LRMDA: variants seen among roughly 807,000 people sequenced by gnomAD.
LRMDA encodes leucine-rich melanocyte differentiation-associated protein.
LRMDA carries 18 observed loss-of-function variants against 29.8 expected under a neutral mutation model. The ratio of observed to expected loss-of-function variants is 0.60; its 90% confidence interval spans 0.42 to 0.90. LRMDA has a LOEUF of 0.90. Ranked by LOEUF, LRMDA falls within the 40% of genes least tolerant of loss-of-function variation. The probability of loss-of-function intolerance (pLI) is 0.00; values close to 1 mark genes in which losing one functional copy is unlikely to be tolerated. For synonymous variants in LRMDA, 125 were observed against 109.4 expected, an observed-to-expected ratio of 1.14 and a Z score of -0.89; for missense variants, 273 against 273.9, an observed-to-expected ratio of 1.00 and a Z score of 0.02.
chr10:76,253,957 GACAAA>G (rs1852533922), intron 5 of LRMDA, among the ~76,000 whole-genome samples: 1 of 152,048 alleles, frequency 6.6e-6, no homozygotes, highest in Admixed American at 6.6e-5. Flanking sequence ...AGAAAATAAT[GACAAA>G]ACAAGAGCTT....
chr10:76,524,707 A>C (rs1843156463), intron 6 of LRMDA, among the ~76,000 whole-genome samples: 1 of 152,182 alleles, frequency 6.6e-6, no homozygotes, highest in Non-Finnish European at 1.5e-5. Context: ...TTACTTTTCA[A>C]GTCAATATTT....
chr10:76,431,253 A>C (rs1842187942), intron 6 of LRMDA, among the ~76,000 whole-genome samples: 1 of 152,174 alleles, frequency 6.6e-6, no homozygotes, highest in Non-Finnish European at 1.5e-5. Flanking sequence ...TACGTGTTTG[A>C]GGCGGGCTGA....
At chr10:75,664,612 T>C (rs905319371) in intron 2 of LRMDA, among the ~76,000 whole-genome samples, 1 of 152,122 alleles carries the variant, frequency 6.6e-6, no homozygotes, top group Admixed American at 6.5e-5. Context: ...CAGGGAAGTC[T>C]ACATGAAAAG....
At chr10:76,460,421 A>G (rs903049561) in intron 6 of LRMDA, among the ~76,000 whole-genome samples, 2 of 152,268 alleles carry the variant, frequency 1.3e-5, no homozygotes, top group Non-Finnish European at 2.9e-5. Flanking sequence ...GCCTTCATCA[A>G]TTAAATCAGA....
intron 5 of LRMDA, among the ~76,000 whole-genome samples, chr10:76,240,342 A>G (rs1295760799): frequency 1.3e-5 from 2 of 150,326 alleles, no homozygotes; most frequent in African/African-American, 2.5e-5. Flanking sequence ...TGGAAAACCA[A>G]ACATCATATG....
chr10:76,152,905 A>G (rs1850471764), intron 5 of LRMDA, among the ~76,000 whole-genome samples: 1 of 151,340 alleles, frequency 6.6e-6, no homozygotes, highest in African/African-American at 2.4e-5. Context: ...CAGTGGCGTG[A>G]TCTCGGCTCA....
chr10:76,533,016 A>G (rs576183824), intron 6 of LRMDA, among the ~76,000 whole-genome samples: 1 of 152,202 alleles, frequency 6.6e-6, no homozygotes, highest in East Asian at 1.9e-4. Context: ...TATTTAAATT[A>G]TTTTCATAGT....
At chr10:76,365,939 G>A (rs747894506) in intron 6 of LRMDA, among the ~76,000 whole-genome samples, 1 of 152,042 alleles carries the variant, frequency 6.6e-6, no homozygotes, top group Non-Finnish European at 1.5e-5. Flanking sequence ...AAGAGATGAG[G>A]ATACAGTTCT....
intron 5 of LRMDA, among the ~76,000 whole-genome samples, chr10:76,200,881 C>A (rs1851414253): frequency 6.7e-6 from 1 of 149,882 alleles, no homozygotes; most frequent in East Asian, 2.0e-4. Flanking sequence ...CCACGCCCAG[C>A]TAATTTTTGT....
At chr10:76,432,075 T>C (rs1461069383) in intron 6 of LRMDA, among the ~76,000 whole-genome samples, 1 of 152,184 alleles carries the variant, frequency 6.6e-6, no homozygotes, top group Non-Finnish European at 1.5e-5. Context: ...ATCCTAAATA[T>C]AGCAAGTGTA....
At chr10:75,646,973 T>C (rs1841529786) in intron 2 of LRMDA, among the ~76,000 whole-genome samples, 1 of 152,180 alleles carries the variant, frequency 6.6e-6, no homozygotes, top group South Asian at 2.1e-4. Context: ...GGGAAATATG[T>C]TATGGCAGAA....
At chr10:76,328,012 G>T (rs7916342) in intron 6 of LRMDA, among the ~76,000 whole-genome samples, 14,109 of 152,258 alleles carry the variant, frequency 0.093, 861 homozygotes, top group East Asian at 0.31. Flanking sequence ...TCTCAAGGAA[G>T]GGGTCAGACT....
chr10:76,428,948 G>A (rs952981945), intron 6 of LRMDA, among the ~76,000 whole-genome samples: 1 of 151,832 alleles, frequency 6.6e-6, no homozygotes, highest in Non-Finnish European at 1.5e-5. Context: ...TTTCTCCTTT[G>A]AGTCATTGTC....
chr10:76,255,313 T>C (rs951241204), intron 5 of LRMDA, among the ~76,000 whole-genome samples: 1 of 152,214 alleles, frequency 6.6e-6, no homozygotes, highest in African/African-American at 2.4e-5. Context: ...GAAGGCAATC[T>C]TCCGCTGTCC....
chr10:76,381,054 G>A (rs1428193774), intron 6 of LRMDA, among the ~76,000 whole-genome samples: 2 of 52,188 alleles, frequency 3.8e-5, no homozygotes, highest in African/African-American at 6.3e-5. Context: ...TGGAATGGCT[G>A]TACCCTAGGT....
intron 2 of LRMDA, among the ~76,000 whole-genome samples, chr10:75,884,098 A>G (rs1417646868): frequency 1.3e-5 from 2 of 151,850 alleles, no homozygotes; most frequent in Non-Finnish European, 1.5e-5. Flanking sequence ...GAACATTTGT[A>G]TATTGAATAT....
At chr10:75,460,405 G>C (rs1844571189) in intron 2 of LRMDA, among the ~76,000 whole-genome samples, 1 of 152,074 alleles carries the variant, frequency 6.6e-6, no homozygotes, top group Admixed American at 6.6e-5. Flanking sequence ...GCCCCTTGTG[G>C]TACCCTAGGG....
At chr10:75,845,254 T>C (rs1002227391) in intron 2 of LRMDA, among the ~76,000 whole-genome samples, 6 of 152,152 alleles carry the variant, frequency 3.9e-5, no homozygotes, top group African/African-American at 1.2e-4. Flanking sequence ...CGGGTGGCTG[T>C]TGCACAAATT....
At chr10:75,907,637 C>T (rs1490170524) in intron 2 of LRMDA, among the ~76,000 whole-genome samples, 2 of 152,062 alleles carry the variant, frequency 1.3e-5, no homozygotes, top group Non-Finnish European at 2.9e-5. Flanking sequence ...TTTACAGTAG[C>T]GTTAGAGTGG....
Sources: gnomAD v4.1 joint callset for allele counts (sites outside exome capture counted in the v4.1 genomes callset) on GRCh38, gnomAD v4.1.1 for gene constraint, MANE v1.5 for transcripts, NCBI Gene and HGNC (gene_info 2026-07-23, HGNC 2026-07-21) for gene names.